Variants in KIAA1549L observed in about 807,000 individuals in gnomAD.
KIAA1549L encodes KIAA1549 like, also known as UPF0606 protein KIAA1549L.
Under a neutral mutation model 160.7 loss-of-function variants are expected in KIAA1549L, and 88 were observed. The observed-to-expected ratio is 0.55, with a 90% confidence interval of 0.46 to 0.65. The LOEUF (loss-of-function observed/expected upper bound fraction) is 0.65, where lower values mean the gene tolerates loss of function less well. KIAA1549L is among the 30% of genes least tolerant of loss of function. KIAA1549L has a pLI of 0.00. For missense variants in KIAA1549L, 2,258 were observed against 2,437.5 expected (o/e 0.93, Z 1.55); for synonymous variants, 950 against 976.7 (o/e 0.97, Z 0.51).
chr11:33,667,903 C>T lies in KIAA1549L; in HGVS notation c.6190C>T (p.Pro2064Ser). The change falls in exon 21 of 21, where the codon CCC becomes TCC. Residue 2064 changes from proline (P) to serine (S), a missense_variant. Coordinates refer to ENST00000658780, the MANE Select transcript of KIAA1549L (RefSeq NM_012194.3). The part of the protein sequence containing the change: ...VPLPGYIEAY[P>S]RSRYPQSSPS... The stretch of plus-strand genomic sequence containing the variant: ...CCTCCCAGGGTACATCGAGGCCTAC[C>T]CCCGATCACGGTACCCCCAGAGCTC... 1 of 1,613,354 alleles carries T rather than the reference C, an allele frequency of 6.2e-7. No homozygotes were observed. Among genetic ancestry groups the T allele is most frequent in the Non-Finnish European group, 8.5e-7 (1 of 1,179,676 alleles).
At chr11:33,548,322 C>A (rs1854335312) in intron 4 of KIAA1549L, among the ~76,000 whole-genome samples, 1 of 152,168 alleles carries the variant, frequency 6.6e-6, no homozygotes, top group Admixed American at 6.5e-5. Flanking sequence ...TCGCTTGAAT[C>A]CAGGATGTGG....
chr11:33,438,571 A>G (rs894529744), intron 1 of KIAA1549L, among the ~76,000 whole-genome samples: 1 of 152,248 alleles, frequency 6.6e-6, no homozygotes, highest in Non-Finnish European at 1.5e-5. Flanking sequence ...TCCCCGGCCA[A>G]GGAGAGCAAG....
At chr11:33,472,663 A>G (rs1852204716) in intron 1 of KIAA1549L, among the ~76,000 whole-genome samples, 1 of 152,168 alleles carries the variant, frequency 6.6e-6, no homozygotes, top group Non-Finnish European at 1.5e-5. Context: ...CTCAGACTGG[A>G]GAAGTCAGTA....
chr11:33,621,445 G>A (rs533850247), intron 16 of KIAA1549L, among the ~76,000 whole-genome samples: 3 of 152,268 alleles, frequency 2.0e-5, no homozygotes, highest in African/African-American at 7.2e-5. Flanking sequence ...TTAGAGGGAT[G>A]TGTTATTTTC....
rs532998710 is a variant in KIAA1549L, at chr11:33,499,114, A to G, written c.239-42688A>G. Among the ~76,000 whole-genome samples, 19 of 152,238 alleles carry G rather than the reference A, an allele frequency of 1.2e-4. No individual in the cohort carries two copies. The South Asian group carries it at 2.3e-3, about 18-fold the overall frequency. On this transcript the variant is annotated intron_variant, in intron 1 of 20. Transcript: ENST00000658780. ...AATCCCACTTGACATTCTGCTGCAT[A>G]GAAAAGGTCCTCCTTCCTCTTTCCC...
intron 15 of KIAA1549L, among the ~76,000 whole-genome samples, chr11:33,612,609 T>TC (rs1423893183): frequency 2.0e-5 from 3 of 151,952 alleles, no homozygotes; most frequent in African/African-American, 7.3e-5. Context: ...GTTTTTTTTT[T>TC]TTTTCTTTTC....
In KIAA1549L at chr11:33,570,005, T is replaced by C. The variant is rs1465354155; in HGVS notation, c.4230+1778T>C. On this transcript the variant is annotated intron_variant, in intron 9 of 20. Coordinates refer to ENST00000658780, the MANE Select transcript of KIAA1549L (RefSeq NM_012194.3). Reference sequence around the variant, plus strand: ...GGTGTTCTTTCTCTCTCTCTCTCTCTCTTTTTTTTTTTTTTTGAGACGGAG... The same window carrying C: ...GGTGTTCTTTCTCTCTCTCTCTCTCCCTTTTTTTTTTTTTTTGAGACGGAG... Among the ~76,000 whole-genome samples, 9 of 36,796 alleles carry C rather than the reference T, an allele frequency of 2.4e-4. No homozygotes were observed. The Admixed American group carries it at 3.4e-3, about 14-fold the overall frequency. 24.1% of individuals were successfully genotyped at this position (36,796 alleles called of 152,430 possible). A position where few individuals can be genotyped will look rare whatever the true frequency, so the allele number is the denominator to read the frequency against.
At chr11:33,652,255 G>T (rs2133422573) in intron 17 of KIAA1549L, among the ~76,000 whole-genome samples, 2 of 152,164 alleles carry the variant, frequency 1.3e-5, no homozygotes, top group South Asian at 4.2e-4. Context: ...GAAACTAGAA[G>T]GCAAAGACAA....
rs370280655 is a variant in KIAA1549L at position 33,540,572 on chromosome 11, G to C, written c.239-1230G>C. ...CTGTGTAAAATTGCAAGTGTCTGAGGGGGGAATACCTCCTTAGGCTGCATG... is the reference window on the plus strand; with the variant it reads ...CTGTGTAAAATTGCAAGTGTCTGAGCGGGGAATACCTCCTTAGGCTGCATG... On this transcript the variant is annotated intron_variant, in intron 1 of 20. Coordinates refer to ENST00000658780, the MANE Select transcript of KIAA1549L (RefSeq NM_012194.3). Among the ~76,000 whole-genome samples the C allele has an allele frequency of 5.8e-4, 89 of 152,318 alleles. No homozygotes were observed. In the South Asian group the frequency reaches 0.017, roughly 30 times the overall value.
intron 1 of KIAA1549L, among the ~76,000 whole-genome samples, chr11:33,495,008 C>T (rs966331761): frequency 4.6e-5 from 7 of 152,168 alleles, no homozygotes. Context: ...AAGATTCACA[C>T]ACGTCTAGGC....
rs77371724 is a variant in KIAA1549L, at chr11:33,542,421, C to T, written c.858C>T (p.Asn286=). The change falls in exon 2 of 21, where the codon AAC becomes AAT. Residue 286 remains asparagine, a synonymous_variant. Transcript: ENST00000658780. ...CAGCCGACCCCTCTTTAGGTCAGAACATAGCTAATCCCTTAATCCCATTTT... is the reference window on the plus strand; with the variant it reads ...CAGCCGACCCCTCTTTAGGTCAGAATATAGCTAATCCCTTAATCCCATTTT... ...TAPADPSLGQ[N]IANPLIPFSD... is the part of the protein sequence containing the mutation. 2.6e-4 allele frequency: 399 copies of T among 1,564,172 alleles called. 3 individuals carry two copies. In the African/African-American group the frequency reaches 4.1e-3, roughly 16 times the overall value.
intron 1 of KIAA1549L, among the ~76,000 whole-genome samples, chr11:33,509,535 G>A (rs748820750): frequency 3.3e-5 from 5 of 152,146 alleles, no homozygotes; most frequent in Middle Eastern, 3.2e-3. Context: ...GTTAATGTTC[G>A]GTTTCATAGT....
At chr11:33,478,292 C>G (rs183115917) in intron 1 of KIAA1549L, among the ~76,000 whole-genome samples, 1 of 152,282 alleles carries the variant, frequency 6.6e-6, no homozygotes, top group East Asian at 1.9e-4. Context: ...TTTGTTCTAG[C>G]CTGACAAGCA....
intron 1 of KIAA1549L, among the ~76,000 whole-genome samples, chr11:33,464,301 T>C (rs559901796): frequency 6.6e-6 from 1 of 152,326 alleles, no homozygotes; most frequent in Admixed American, 6.5e-5. Context: ...ATTCATTCAA[T>C]CAATCAGCAA....
chr11:33,449,222 T>C (rs1282791398), intron 1 of KIAA1549L, among the ~76,000 whole-genome samples: 1 of 152,152 alleles, frequency 6.6e-6, no homozygotes, highest in Non-Finnish European at 1.5e-5. Flanking sequence ...TTTTGGAAAA[T>C]TTGCTCTTCA....
intron 1 of KIAA1549L, among the ~76,000 whole-genome samples, chr11:33,454,416 C>T (rs1851780540): frequency 6.6e-6 from 1 of 152,184 alleles, no homozygotes; most frequent in Admixed American, 6.5e-5. Context: ...TAGAGCTTGA[C>T]ATTAATAGCT....
rs184036342 is a variant in KIAA1549L, at chr11:33,393,766, G to A, written c.238+16877G>A. Among the ~76,000 whole-genome samples, 2 of 152,312 alleles carry A rather than the reference G, an allele frequency of 1.3e-5. 1 individual carries two copies. Among genetic ancestry groups the A allele is most frequent in the East Asian group, 3.9e-4 (2 of 5,192 alleles). ...GGAGTCAGTTTAAGGTCTAGGGTAC[G>A]AAGGTGTGCAGACAACCCCGAAAAC... On this transcript the variant is annotated intron_variant, in intron 1 of 20. Transcript: ENST00000658780.
At chr11:33,521,928 A>G (rs1451873721) in intron 1 of KIAA1549L, among the ~76,000 whole-genome samples, 1 of 152,248 alleles carries the variant, frequency 6.6e-6, no homozygotes, top group Non-Finnish European at 1.5e-5. Context: ...ATTAGGAGAT[A>G]GAAATAGAAC....
intron 1 of KIAA1549L, among the ~76,000 whole-genome samples, chr11:33,417,881 G>T (rs1392724322): frequency 6.6e-6 from 1 of 152,008 alleles, no homozygotes; most frequent in East Asian, 1.9e-4. Context: ...GGGTTCCAGC[G>T]ATTCTTGTGC....
Sources: gnomAD v4.1 joint callset for allele counts (sites outside exome capture counted in the v4.1 genomes callset) on GRCh38, gnomAD v4.1.1 for gene constraint, MANE v1.5 for transcripts, NCBI Gene and HGNC (gene_info 2026-07-23, HGNC 2026-07-21) for gene names.